Variants in CHST15 observed in about 807,000 individuals in gnomAD.
CHST15 encodes the protein carbohydrate sulfotransferase 15, also known as B cell RAG associated protein (GALNAC4S-6ST).
A neutral mutation model predicts 53.6 loss-of-function variants in CHST15; 30 were observed. The observed-to-expected ratio is 0.56, with a 90% CI of 0.42 to 0.76. CHST15 has a LOEUF of 0.76. CHST15 is among the 30% of genes least tolerant of loss of function. CHST15 has a pLI of 0.00. For synonymous variants in CHST15, 296 were observed against 289.8 expected (o/e 1.02, Z -0.22); for missense variants, 627 against 740.5 (o/e 0.85, Z 1.78).
chr10:124,062,438 C>T (rs1948608167), intron 1 of CHST15, among the ~76,000 whole-genome samples: 1 of 152,234 alleles, frequency 6.6e-6, no homozygotes, highest in Non-Finnish European at 1.5e-5. Context: ...CCCTTACCGG[C>T]TGTGTGCCCT....
At chr10:124,063,913 C>T (rs191323432) in intron 1 of CHST15, among the ~76,000 whole-genome samples, 2 of 152,298 alleles carry the variant, frequency 1.3e-5, no homozygotes, top group East Asian at 3.9e-4. Context: ...AATCAGACAG[C>T]TGAGCTTCCA....
At chr10:124,067,809 G>T (rs1052319377) in intron 1 of CHST15, among the ~76,000 whole-genome samples, 3 of 152,074 alleles carry the variant, frequency 2.0e-5, no homozygotes, top group Non-Finnish European at 4.4e-5. Context: ...TAGAGACGGG[G>T]TTTCACCATG....
rs990545141 is a variant in CHST15 at position 124,009,093 on chromosome 10, G to A, written c.*1056C>T. The A allele has an allele frequency of 7.9e-7, 1 of 1,265,940 alleles. No homozygotes were observed. Among genetic ancestry groups the A allele is most frequent in the Non-Finnish European group, 1.0e-6 (1 of 970,180 alleles). The allele number at this position is 1,265,940 out of a possible 1,614,324, so 78.4% of individuals were successfully genotyped here. Reference sequence around the variant, plus strand: ...TTGACCACACGCAGTGGAGAATGTGGAAATAAACTATTTCCAATGGGAAGG... The same window carrying A: ...TTGACCACACGCAGTGGAGAATGTGAAAATAAACTATTTCCAATGGGAAGG... On this transcript the variant is annotated 3_prime_UTR_variant, in exon 8 of 8. Transcript: ENST00000435907.
At chr10:124,023,816 C>G (rs1473974210) in intron 5 of CHST15, among the ~76,000 whole-genome samples, 2 of 151,956 alleles carry the variant, frequency 1.3e-5, no homozygotes. Context: ...CCCATGCATC[C>G]AGGTATCTGA....
rs1419166387 is a variant in CHST15, at chr10:124,044,702, T to C, written c.764A>G (p.His255Arg). 3 of 1,613,746 alleles carry C rather than the reference T, an allele frequency of 1.9e-6. No homozygotes were observed. The highest frequency in any genetic ancestry group is 1.7e-5 in the Admixed American group (1 of 59,986). ...CTTGGGCTGCCCTATGATGTAGAAG[T>C]GCGGCAGGCAGCGCAGGCGGAAGTG... ...GKHFRLRCLPHFYIIGQPKCG... is the reference protein window; with the variant it reads ...GKHFRLRCLPRFYIIGQPKCG... Residue 255 changes from histidine to arginine, a missense_variant, in exon 3 of 8, where the codon CAC becomes CGC. By Grantham distance (29) the His-to-Arg change is conservative. This residue lies in a region of CHST15 where 161 missense variants were observed against 117.2 expected (regional missense o/e 1.37). Transcript: ENST00000435907.
intron 1 of CHST15, among the ~76,000 whole-genome samples, chr10:124,059,804 G>A (rs1041533290): frequency 1.7e-4 from 26 of 152,168 alleles, no homozygotes; most frequent in Non-Finnish European, 3.8e-4. Flanking sequence ...TTCCAAAGAT[G>A]AGCAAAATAA....
At chr10:124,093,341 GC>G (rs1221931695) in intron 1 of CHST15, 127 bp downstream of exon 1, 1 of 152,294 alleles carries the variant, frequency 6.6e-6, no homozygotes, top group Non-Finnish European at 1.5e-5. Context: ...CCTACGCCCA[GC>G]CCCGGCCGCC....
rs562072784 is a variant in CHST15 at position 124,027,313 on chromosome 10, G to A, written c.1191-5901C>T. ...GGGGGCATAGGGCTCCATCAATCCA[G>A]TGCCTCTGAAAGTGACCATGTCTCT... On this transcript the variant is annotated intron_variant, in intron 5 of 7. Transcript: ENST00000435907. Among the ~76,000 whole-genome samples the A allele has an allele frequency of 1.6e-3, 237 of 152,270 alleles. 1 individual carries two copies. The highest frequency in any genetic ancestry group is 5.4e-3 in the African/African-American group (225 of 41,562).
At chr10:124,084,893 C>T (rs961938001) in intron 1 of CHST15, among the ~76,000 whole-genome samples, 2 of 152,196 alleles carry the variant, frequency 1.3e-5, no homozygotes, top group Non-Finnish European at 2.9e-5. Context: ...TCGGCCAAAA[C>T]TCCTCCACCC....
intron 5 of CHST15, among the ~76,000 whole-genome samples, chr10:124,034,449 C>T (rs1947342532): frequency 6.6e-6 from 1 of 151,998 alleles, no homozygotes; most frequent in Non-Finnish European, 1.5e-5. Context: ...CAGCACTCAC[C>T]TTTGTGGTGT....
chr10:124,042,257 C>G, intron 4 of CHST15, 44 bp downstream of exon 4: 1 of 1,576,368 alleles, frequency 6.3e-7, no homozygotes, highest in Non-Finnish European at 8.7e-7. Context: ...AGCCAGGACC[C>G]CAGGGAGGGT....
At chr10:124,032,132 T>C (rs1947250099) in intron 5 of CHST15, among the ~76,000 whole-genome samples, 1 of 152,246 alleles carries the variant, frequency 6.6e-6, no homozygotes, top group Non-Finnish European at 1.5e-5. Flanking sequence ...AACTGAATCA[T>C]TTGACCAGTC....
At chr10:124,022,791 C>T (rs1183018143) in intron 5 of CHST15, among the ~76,000 whole-genome samples, 2 of 150,952 alleles carry the variant, frequency 1.3e-5, no homozygotes, top group African/African-American at 2.4e-5. Context: ...CCAACCCCCT[C>T]GCCCTGCTCC....
chr10:124,042,258 C>T (rs1215465045), intron 4 of CHST15, 43 bp downstream of exon 4: 3 of 1,576,958 alleles, frequency 1.9e-6, no homozygotes, highest in Non-Finnish European at 2.6e-6. Flanking sequence ...GCCAGGACCC[C>T]AGGGAGGGTG....
At chr10:124,010,704 G>A (rs189636311) in intron 7 of CHST15, 21 of 985,456 alleles carry the variant, frequency 2.1e-5, no homozygotes, top group Admixed American at 1.2e-4. Context: ...GCGGCCTGCC[G>A]AGCACAGCCC....
chr10:124,038,786 A>C, intron 4 of CHST15, 115 bp from the exon 5 acceptor site: 1 of 1,097,204 alleles, frequency 9.1e-7, no homozygotes, highest in Non-Finnish European at 1.3e-6. Flanking sequence ...GCAGCGGGAG[A>C]GGCCAAGCTG....
chr10:124,052,383 A>G (rs1948228648), intron 1 of CHST15, among the ~76,000 whole-genome samples: 1 of 152,240 alleles, frequency 6.6e-6, no homozygotes, highest in Admixed American at 6.5e-5. Context: ...GTCAATAAGC[A>G]GAATAAAGCC....
intron 5 of CHST15, among the ~76,000 whole-genome samples, chr10:124,022,816 T>C (rs866779514): frequency 1.2e-3 from 179 of 144,718 alleles, no homozygotes; most frequent in South Asian, 7.1e-3. Context: ...CATTTCTTTT[T>C]TTTTTTTTTT....
intron 1 of CHST15, among the ~76,000 whole-genome samples, chr10:124,086,584 A>G (rs527473040): frequency 7.7e-4 from 117 of 152,186 alleles, no homozygotes; most frequent in Non-Finnish European, 2.8e-4. Context: ...TTCCTTGCCC[A>G]CTGGTTCAGC....
Sources: allele counts gnomAD v4.1 joint callset (sites outside exome capture counted in the v4.1 genomes callset), GRCh38; gene constraint gnomAD v4.1.1; regional missense constraint gnomAD v4.1.1; transcripts MANE v1.5; gene names NCBI Gene and HGNC (gene_info 2026-07-23, HGNC 2026-07-21).